Variants in ARID4B observed in about 807,000 individuals in gnomAD.
ARID4B encodes the protein AT-rich interaction domain 4B.
In ARID4B, 26 loss-of-function variants were observed where a neutral mutation model predicts 147.5. The ratio of observed to expected loss-of-function variants is 0.18; its 90% CI spans 0.13 to 0.24. The LOEUF is 0.24. ARID4B is among the 10% of genes least tolerant of loss of function. ARID4B has a pLI of 1.00. For missense variants in ARID4B, 1,179 were observed against 1,511.5 expected, an observed-to-expected ratio of 0.78 and a Z score of 3.65; for synonymous variants, 512 against 507.9, an observed-to-expected ratio of 1.01 and a Z score of -0.11.
At chr1:235,208,589 G>A (rs966453348) in intron 17 of ARID4B, among the ~76,000 whole-genome samples, 11 of 151,836 alleles carry the variant, frequency 7.2e-5, no homozygotes, top group African/African-American at 1.7e-4. Flanking sequence ...CGCAACCTCC[G>A]TCTCCCAGGT....
intron 9 of ARID4B, among the ~76,000 whole-genome samples, chr1:235,233,960 T>C (rs1668401122): frequency 1.3e-5 from 2 of 152,050 alleles, no homozygotes; most frequent in Non-Finnish European, 2.9e-5. Flanking sequence ...GCACCTATAG[T>C]CCCAGCTACT....
chr1:235,216,332 C>CACAT (rs147460230), intron 16 of ARID4B, among the ~76,000 whole-genome samples: 2 of 151,042 alleles, frequency 1.3e-5, no homozygotes, highest in Non-Finnish European at 2.9e-5. Flanking sequence ...CACACACACA[C>CACAT]ATATATACGT....
At chr1:235,173,582 ACT>A (rs1346654385) in intron 22 of ARID4B, among the ~76,000 whole-genome samples, 1 of 147,406 alleles carries the variant, frequency 6.8e-6, no homozygotes, top group Non-Finnish European at 1.5e-5. Flanking sequence ...TGTGTGAAAA[ACT>A]CTAGAGTAGT....
chr1:235,318,238 G>A (rs974759931), intron 2 of ARID4B, among the ~76,000 whole-genome samples: 13 of 137,858 alleles, frequency 9.4e-5, no homozygotes, highest in African/African-American at 3.1e-4. Context: ...GTGCAGTGGC[G>A]CCATCGCAGC....
intron 22 of ARID4B, among the ~76,000 whole-genome samples, chr1:235,174,053 T>C (rs369957181): frequency 1.3e-5 from 2 of 151,456 alleles, no homozygotes; most frequent in East Asian, 3.9e-4. Flanking sequence ...TTTTTTTTTT[T>C]TTCTGGGATG....
intron 8 of ARID4B, 35 bp downstream of exon 8, chr1:235,240,278 T>C: frequency 1.3e-6 from 2 of 1,556,468 alleles, no homozygotes; most frequent in South Asian, 1.2e-5. Flanking sequence ...CTTATAAAGT[T>C]TGAAATTAAA....
chr1:235,211,205 G>C (rs760091644), intron 17 of ARID4B, among the ~76,000 whole-genome samples: 10 of 152,030 alleles, frequency 6.6e-5, no homozygotes, highest in Non-Finnish European at 1.0e-4. Context: ...GTGGTGGTGC[G>C]TGCCTATCTC....
intron 3 of ARID4B, 38 bp downstream of exon 3, chr1:235,260,604 G>A (rs1208491340): frequency 6.9e-6 from 10 of 1,446,094 alleles, no homozygotes; most frequent in Non-Finnish European, 7.5e-6. Context: ...CATATCAAAT[G>A]CTGAACATAC....
chr1:235,231,228 C>A, intron 9 of ARID4B, 39 bp from the exon 10 acceptor site: 12 of 1,054,570 alleles, frequency 1.1e-5, no homozygotes, highest in African/African-American at 6.6e-5. Context: ...GAAAAAAAAC[C>A]CAAAATATGA....
intron 5 of ARID4B, among the ~76,000 whole-genome samples, chr1:235,255,219 C>CTATATATATATATA (rs370660682): frequency 6.3e-5 from 8 of 127,568 alleles, no homozygotes; most frequent in African/African-American, 9.2e-5. Context: ...CTGCTGGGAG[C>CTATATATATATATA]TAGATAGATA....
intron 22 of ARID4B, 72 bp from the exon 23 acceptor site, chr1:235,172,836 G>T: frequency 8.1e-7 from 1 of 1,227,426 alleles, no homozygotes; most frequent in South Asian, 1.9e-5. Context: ...AGAGAACATC[G>T]AGCATGGCTG....
At chr1:235,311,983 TAGA>T (rs1674081895) in intron 2 of ARID4B, among the ~76,000 whole-genome samples, 1 of 152,020 alleles carries the variant, frequency 6.6e-6, no homozygotes, top group Non-Finnish European at 1.5e-5. Flanking sequence ...TGTACTGATA[TAGA>T]AGAATGTAAA....
intron 17 of ARID4B, among the ~76,000 whole-genome samples, chr1:235,200,003 G>GAAAAAAAAAAAA (rs61519256): frequency 8.0e-6 from 1 of 124,536 alleles, no homozygotes; most frequent in African/African-American, 2.8e-5. Context: ...AAAGAATAGG[G>GAAAAAAAAAAAA]AAAAAAAAAA....
chr1:235,320,512 TCCCATGATCTGTTCGAA>T (rs775756998), intron 2 of ARID4B, among the ~76,000 whole-genome samples: 22 of 152,338 alleles, frequency 1.4e-4, no homozygotes, highest in Non-Finnish European at 2.1e-4. Flanking sequence ...ACTCTTGTGT[TCCCATGATCTGTTCGAA>T]CCCATGATGT....
rs186887825 is a variant in ARID4B at position 235,194,072 on chromosome 1, T to G, written c.2066A>C (p.Asn689Thr). ...VSKLDLTDAK[N>T]SDTAHIKSIE... Reference sequence around the variant, plus strand: ...GGACTTAATATGAGCAGTATCAGAGTTTTTGGCATCAGTGAGATCCAGTTT... The same window carrying G: ...GGACTTAATATGAGCAGTATCAGAGGTTTTGGCATCAGTGAGATCCAGTTT... Residue 689 changes from asparagine (N) to threonine (T), a missense_variant, in exon 19 of 24, where the codon AAC becomes ACC. This residue lies in a region of ARID4B where 321 missense variants were observed against 342.4 expected (regional missense o/e 0.94). Coordinates refer to ENST00000264183, the MANE Select transcript of ARID4B (RefSeq NM_016374.6). 6.2e-7 allele frequency: 1 copy of G among 1,611,670 alleles called. No individual in the cohort carries two copies. Among genetic ancestry groups the G allele is most frequent in the African/African-American group, 1.3e-5 (1 of 74,936 alleles).
chr1:235,289,030 A>G (rs1463978969), intron 2 of ARID4B, among the ~76,000 whole-genome samples: 1 of 152,206 alleles, frequency 6.6e-6, no homozygotes, highest in African/African-American at 2.4e-5. Context: ...CCAAAATTAA[A>G]AACACACAAC....
rs1207579136 is a variant in ARID4B, at chr1:235,260,787, T to G, written c.7-35A>C. On this transcript the variant is annotated intron_variant, in intron 2 of 23. Transcript: ENST00000264183. The stretch of plus-strand genomic sequence containing the variant: ...CAAAGAAATATAATTAGATTTAAAC[T>G]CTCTAATTCTTTCCCATAATCAGAC... 4 of 1,411,180 alleles carry G rather than the reference T, an allele frequency of 2.8e-6. No homozygotes were observed. In the East Asian group the frequency reaches 6.9e-5, roughly 24 times the overall value. The allele number at this position is 1,411,180 out of a possible 1,614,324, so 87.4% of individuals were successfully genotyped here.
rs150864289 is a variant in ARID4B at position 235,190,957 on chromosome 1, G to A, written c.2125+3056C>T. The stretch of plus-strand genomic sequence containing the variant: ...TATTATCATTAAGCTACCTGCTACC[G>A]CCTCTCTGTAGTCTTTGAATGCCTG... On this transcript the variant is annotated intron_variant, in intron 19 of 23. Coordinates refer to ENST00000264183, the MANE Select transcript of ARID4B (RefSeq NM_016374.6). Among the ~76,000 whole-genome samples the A allele has an allele frequency of 5.5e-4, 84 of 152,224 alleles. 1 individual carries two copies. The East Asian group carries it at 0.013, about 24-fold the overall frequency.
intron 2 of ARID4B, among the ~76,000 whole-genome samples, chr1:235,326,089 T>C (rs1675220360): frequency 1.3e-5 from 2 of 152,098 alleles, no homozygotes; most frequent in Non-Finnish European, 2.9e-5. Context: ...AGCTAGTGTC[T>C]AAGTTCCACC....
Sources: gnomAD v4.1 joint callset for allele counts (sites outside exome capture counted in the v4.1 genomes callset) on GRCh38, gnomAD v4.1.1 for gene constraint, gnomAD v4.1.1 regional missense constraint, MANE v1.5 for transcripts, NCBI Gene and HGNC (gene_info 2026-07-23, HGNC 2026-07-21) for gene names.